The following NCALD variants were observed in gnomAD, a reference collection of about 807,000 sequenced individuals.
NCALD encodes neurocalcin-delta.
A neutral mutation model predicts 18.6 loss-of-function variants in NCALD; 10 were observed. The ratio of observed to expected loss-of-function variants is 0.54; its 90% CI spans 0.33 to 0.91. The LOEUF (loss-of-function observed/expected upper bound fraction) is 0.91, where lower values mean the gene tolerates loss of function less well. NCALD is among the 40% of genes least tolerant of loss of function. The pLI is 0.03. For missense variants in NCALD, 184 were observed against 247.6 expected, an observed-to-expected ratio of 0.74 and a Z score of 1.72; for synonymous variants, 88 against 87.4, an observed-to-expected ratio of 1.01 and a Z score of -0.04.
chr8:101,831,159 G>A (rs1323125507), intron 4 of NCALD, among the ~76,000 whole-genome samples: 1 of 152,134 alleles, frequency 6.6e-6, no homozygotes, highest in Non-Finnish European at 1.5e-5. Context: ...TATCTAAATA[G>A]TGTTCTTTTG....
intron 2 of NCALD, among the ~76,000 whole-genome samples, chr8:101,990,739 C>T (rs1821012810): frequency 6.6e-6 from 1 of 152,152 alleles, no homozygotes. Flanking sequence ...GTAAATTGCC[C>T]AGTCTAAGGT....
At chr8:102,057,935 T>C (rs1823711059) in intron 1 of NCALD, among the ~76,000 whole-genome samples, 3 of 152,210 alleles carry the variant, frequency 2.0e-5, no homozygotes, top group Non-Finnish European at 4.4e-5. Flanking sequence ...AAAGGGTGTG[T>C]AGGTTACAGT....
At chr8:102,124,505 C>G (rs938054921), upstream of NCALD, 2 of 97,880 alleles carry the variant, frequency 2.0e-5, no homozygotes, top group Non-Finnish European at 4.7e-5. Flanking sequence ...CGCCCCCCCC[C>G]TCCCCCGCTT....
chr8:102,000,877 C>T (rs1821430320), intron 2 of NCALD, among the ~76,000 whole-genome samples: 2 of 152,182 alleles, frequency 1.3e-5, no homozygotes, highest in South Asian at 4.1e-4. Context: ...CCCATCTGTA[C>T]GTCACCATCA....
At chr8:102,071,720 C>T (rs555014311) in intron 1 of NCALD, among the ~76,000 whole-genome samples, 42 of 71,326 alleles carry the variant, frequency 5.9e-4, no homozygotes, top group African/African-American at 1.1e-3. Context: ...AATCAGAAAA[C>T]GAAATTTTAA....
intron 3 of NCALD, among the ~76,000 whole-genome samples, chr8:101,900,127 A>G (rs1817366405): frequency 6.6e-6 from 1 of 151,928 alleles, no homozygotes; most frequent in Admixed American, 6.6e-5. Flanking sequence ...GCTTAATTTC[A>G]TATAAGTTGT....
chr8:101,692,349 C>G, intron 3 of NCALD: 5 of 985,300 alleles, frequency 5.1e-6, no homozygotes, highest in Non-Finnish European at 6.0e-6. Flanking sequence ...CACAGGAGAC[C>G]CCAACAAAAC....
At chr8:102,114,323 A>T (rs1216028972) in intron 1 of NCALD, among the ~76,000 whole-genome samples, 1 of 152,210 alleles carries the variant, frequency 6.6e-6, no homozygotes, top group Non-Finnish European at 1.5e-5. Flanking sequence ...GCCCTGCAGC[A>T]GAGCAAGCTG....
In NCALD at chr8:102,023,480, T is replaced by C. The variant is rs371244443; in HGVS notation, c.-209-3191A>G. Among the ~76,000 whole-genome samples the C allele has an allele frequency of 4.5e-4, 68 of 152,242 alleles. No individual in the cohort carries two copies. The South Asian group carries it at 0.013, about 29-fold the overall frequency. Reference sequence around the variant, plus strand: ...CTCTTTGATTTCTGGCAAAGACAAATAAATAAACAAAAATAAAAGGAGGAG... The same window carrying C: ...CTCTTTGATTTCTGGCAAAGACAAACAAATAAACAAAAATAAAAGGAGGAG... On this transcript the variant is annotated intron_variant, in intron 1 of 6. Transcript: ENST00000311028.
chr8:101,844,414 G>C (rs1446789044), intron 4 of NCALD, among the ~76,000 whole-genome samples: 2 of 151,112 alleles, frequency 1.3e-5, no homozygotes, highest in African/African-American at 4.9e-5. Flanking sequence ...AGGCTGGAGT[G>C]CAGTGGCACA....
chr8:101,936,348 G>A (rs986342793), intron 2 of NCALD, among the ~76,000 whole-genome samples: 3 of 152,114 alleles, frequency 2.0e-5, no homozygotes, highest in Non-Finnish European at 4.4e-5. Flanking sequence ...GTGAGGAGGC[G>A]AGGTACTGAA....
At chr8:101,770,688 T>G (rs1432024101) in intron 1 of NCALD, among the ~76,000 whole-genome samples, 1 of 152,200 alleles carries the variant, frequency 6.6e-6, no homozygotes, top group Non-Finnish European at 1.5e-5. Context: ...TTCCAAGTCT[T>G]TCTTTCTCTC....
At chr8:102,065,918 C>T (rs561111886) in intron 1 of NCALD, among the ~76,000 whole-genome samples, 9 of 152,192 alleles carry the variant, frequency 5.9e-5, no homozygotes, top group Non-Finnish European at 1.3e-4. Flanking sequence ...ATTTTTATAA[C>T]TATATATGAT....
chr8:101,834,572 C>G (rs1189115961), intron 4 of NCALD, among the ~76,000 whole-genome samples: 1 of 152,228 alleles, frequency 6.6e-6, no homozygotes, highest in African/African-American at 2.4e-5. Context: ...TTTTTGGGCT[C>G]TCCCTGTTCT....
chr8:101,839,256 T>C (rs753327471), intron 4 of NCALD, among the ~76,000 whole-genome samples: 1 of 151,454 alleles, frequency 6.6e-6, no homozygotes, highest in Non-Finnish European at 1.5e-5. Context: ...GAGGGCCAGA[T>C]CTAGACCTTG....
At chr8:102,085,752 TAAA>T (rs35138208) in intron 1 of NCALD, among the ~76,000 whole-genome samples, 1 of 140,618 alleles carries the variant, frequency 7.1e-6, no homozygotes, top group African/African-American at 2.6e-5. Context: ...ACTCTGTCTT[TAAA>T]AAAAAAAAAA....
At chr8:101,813,229 G>T (rs1403515596) in intron 4 of NCALD, among the ~76,000 whole-genome samples, 6 of 152,094 alleles carry the variant, frequency 3.9e-5, no homozygotes, top group Non-Finnish European at 8.8e-5. Flanking sequence ...GGCTCCCTAA[G>T]GATATGACCT....
chr8:101,732,216 T>C (rs1816864223), intron 1 of NCALD, among the ~76,000 whole-genome samples: 1 of 152,186 alleles, frequency 6.6e-6, no homozygotes, highest in Non-Finnish European at 1.5e-5. Context: ...TAAAACTCAT[T>C]ATTACTACTT....
chr8:101,823,459 G>A (rs907632944), intron 4 of NCALD, among the ~76,000 whole-genome samples: 12 of 152,194 alleles, frequency 7.9e-5, no homozygotes, highest in African/African-American at 2.7e-4. Context: ...CCAACATGCT[G>A]AGTTTGGCCT....
Sources: allele counts gnomAD v4.1 joint callset (sites outside exome capture counted in the v4.1 genomes callset), GRCh38; gene constraint gnomAD v4.1.1; transcripts MANE v1.5; gene names NCBI Gene and HGNC (gene_info 2026-07-23, HGNC 2026-07-21).